USP43: variants seen among roughly 807,000 people sequenced by gnomAD.
USP43 encodes ubiquitin carboxyl-terminal hydrolase 43.
Under a neutral mutation model 90.7 loss-of-function variants are expected in USP43, and 33 were observed. The ratio of observed to expected loss-of-function variants is 0.36; its 90% CI spans 0.28 to 0.49. USP43 has a LOEUF of 0.49. USP43 is among the 20% of genes least tolerant of loss of function. The pLI is 0.98. For missense variants in USP43, 1,274 were observed against 1,476.4 expected (o/e 0.86, Z 2.25); for synonymous variants, 598 against 615.8 (o/e 0.97, Z 0.43).
At chr17:9,683,668 C>T (rs950817744) in intron 7 of USP43, among the ~76,000 whole-genome samples, 1 of 152,024 alleles carries the variant, frequency 6.6e-6, no homozygotes, top group African/African-American at 2.4e-5. Flanking sequence ...GATTTAATTG[C>T]ATATTCTTCT....
intron 6 of USP43, among the ~76,000 whole-genome samples, chr17:9,681,442 A>C (rs1366590455): frequency 1.8e-5 from 2 of 109,128 alleles, no homozygotes; most frequent in Non-Finnish European, 1.8e-5. Flanking sequence ...TTATATATAG[A>C]TAAATATATA....
Position 9,680,511 on chromosome 17 carries a change from G to C in USP43, c.1105+145G>C. On this transcript the variant is annotated intron_variant, in intron 6 of 14. Coordinates refer to ENST00000285199, the MANE Select transcript of USP43 (RefSeq NM_153210.5). ...TTATCCCTGGCATTCGTTGTGTGCA[G>C]ATGGTTGATATTAAAAATTATTCAC... 5 of 934,502 alleles carry C rather than the reference G, an allele frequency of 5.4e-6. No individual in the cohort carries two copies. In the South Asian group the frequency reaches 9.5e-5, roughly 18 times the overall value. The allele number at this position is 934,502 out of a possible 1,614,324, so 57.9% of individuals were successfully genotyped here.
chr17:9,727,085 G>T (rs910691023), intron 14 of USP43, among the ~76,000 whole-genome samples: 1 of 151,918 alleles, frequency 6.6e-6, no homozygotes, highest in African/African-American at 2.4e-5. Context: ...TGATTCTCCT[G>T]CCTCAGCCTC....
At chr17:9,646,696 G>A (rs1911427873) in intron 1 of USP43, among the ~76,000 whole-genome samples, 2 of 152,282 alleles carry the variant, frequency 1.3e-5, no homozygotes, top group East Asian at 3.9e-4. Context: ...AGGCAGATGA[G>A]TTTCGCCAGA....
chr17:9,691,010 G>A (rs1025485814), intron 8 of USP43, among the ~76,000 whole-genome samples: 2 of 151,888 alleles, frequency 1.3e-5, no homozygotes, highest in Admixed American at 1.3e-4. Context: ...TATATAACTA[G>A]AATAATATAA....
intron 8 of USP43, among the ~76,000 whole-genome samples, chr17:9,690,091 C>T (rs1163541490): frequency 1.3e-5 from 2 of 152,130 alleles, no homozygotes; most frequent in Non-Finnish European, 1.5e-5. Flanking sequence ...TCCAGTTTAC[C>T]CACCAGCCTT....
chr17:9,672,321 A>G (rs1913490795), intron 3 of USP43, among the ~76,000 whole-genome samples: 1 of 152,074 alleles, frequency 6.6e-6, no homozygotes, highest in Admixed American at 6.6e-5. Flanking sequence ...TCAATATAAA[A>G]TTTGCCCATT....
intron 2 of USP43, among the ~76,000 whole-genome samples, chr17:9,659,461 G>A (rs1024596125): frequency 7.2e-5 from 11 of 152,164 alleles, no homozygotes; most frequent in African/African-American, 2.7e-4. Flanking sequence ...CAAAGCCAGT[G>A]TGCTGGGTTC....
chr17:9,726,520 G>T (rs1184960032), intron 14 of USP43, among the ~76,000 whole-genome samples: 2 of 152,112 alleles, frequency 1.3e-5, no homozygotes, highest in Non-Finnish European at 2.9e-5. Context: ...GGTTCTTCCC[G>T]GCTGCAGACA....
chr17:9,650,591 C>T (rs145018263), intron 1 of USP43, among the ~76,000 whole-genome samples: 4,460 of 152,130 alleles, frequency 0.029, 215 homozygotes, highest in African/African-American at 0.1. Context: ...TTAGTAGACA[C>T]GGGGTTTCGC....
chr17:9,668,667 G>A (rs1913199299), intron 3 of USP43, among the ~76,000 whole-genome samples: 1 of 152,130 alleles, frequency 6.6e-6, no homozygotes, highest in African/African-American at 2.4e-5. Flanking sequence ...AGGGTAAAGA[G>A]GATCTCACCT....
At chr17:9,668,898 C>T (rs1913212405) in intron 3 of USP43, among the ~76,000 whole-genome samples, 1 of 152,084 alleles carries the variant, frequency 6.6e-6, no homozygotes, top group Admixed American at 6.6e-5. Flanking sequence ...TGCAATGGCA[C>T]GATCTTGGTT....
rs11867771 is a variant in USP43 at position 9,727,626 on chromosome 17, T to C, written c.2336-328T>C. Among the ~76,000 whole-genome samples, 213 of 152,318 alleles carry C rather than the reference T, an allele frequency of 1.4e-3. 1 individual carries two copies. Among genetic ancestry groups the C allele is most frequent in the African/African-American group, 4.7e-3 (196 of 41,574 alleles). On this transcript the variant is annotated intron_variant, in intron 14 of 14. Coordinates refer to ENST00000285199, the MANE Select transcript of USP43 (RefSeq NM_153210.5). The stretch of plus-strand genomic sequence containing the variant: ...CTGGGCATTCCGTTTCATAGGAATA[T>C]TTAAAGATAGATGAAACTGATGTTC...
chr17:9,728,569 G>T lies in USP43; in HGVS notation c.2951G>T (p.Gly984Val), dbSNP rs780110005. The T allele has an allele frequency of 6.2e-7, 1 of 1,614,024 alleles. No individual in the cohort carries two copies. Among genetic ancestry groups the T allele is most frequent in the Non-Finnish European group, 8.5e-7 (1 of 1,179,898 alleles). ...FSGNSKDSRR[G>V]TSELDRPLQG... ...GGAAACAGCAAAGACAGTCGCCGAG[G>T]CACCTCTGAGCTAGACAGACCCCTG... is the stretch of plus-strand genomic sequence containing the variant. Residue 984 changes from glycine to valine, a missense_variant, in exon 15 of 15, where the codon GGC becomes GTC. By Grantham distance (109) the Gly-to-Val change is moderately radical. Around this residue, in one of 6 missense-constraint regions of USP43, gnomAD observed 353 missense variants for 329.7 expected, o/e 1.07. Transcript: ENST00000285199. This position sits in a 1 kb window ranked among gnomAD's most constrained non-coding sequence, Gnocchi z 6.2.
At chr17:9,647,912 T>C (rs2151959174) in intron 1 of USP43, among the ~76,000 whole-genome samples, 1 of 150,312 alleles carries the variant, frequency 6.7e-6, no homozygotes, top group East Asian at 2.0e-4. Flanking sequence ...TCCCAGCTAC[T>C]GGGGAGGCTG....
intron 1 of USP43, among the ~76,000 whole-genome samples, chr17:9,652,031 A>T (rs1048579074): frequency 6.6e-6 from 1 of 152,122 alleles, no homozygotes; most frequent in African/African-American, 2.4e-5. Flanking sequence ...AAAAATTATC[A>T]ATGTTTGGGA....
rs539379311 is a variant in USP43 at position 9,716,951 on chromosome 17, C to T, written c.2335+4819C>T. 2.6e-4 allele frequency among the ~76,000 whole-genome samples: 39 copies of T among 152,204 alleles called. No homozygotes were observed. In the South Asian group the frequency reaches 7.9e-3, roughly 31 times the overall value. ...AGGAGTTTGAGACCAGCCTGACCAA[C>T]ATGGTGAAACCCCGTCTCTACTAAA... is the stretch of plus-strand genomic sequence containing the variant. On this transcript the variant is annotated intron_variant, in intron 14 of 14. Coordinates refer to ENST00000285199, the MANE Select transcript of USP43 (RefSeq NM_153210.5).
intron 7 of USP43, among the ~76,000 whole-genome samples, chr17:9,684,461 T>C (rs1914476726): frequency 6.6e-6 from 1 of 151,900 alleles, no homozygotes; most frequent in Non-Finnish European, 1.5e-5. Flanking sequence ...AATACAAGCA[T>C]AGGTTAAAAT....
chr17:9,662,435 C>T (rs1476711871), intron 2 of USP43, among the ~76,000 whole-genome samples: 1 of 152,216 alleles, frequency 6.6e-6, no homozygotes, highest in Non-Finnish European at 1.5e-5. Context: ...GACTTTACCT[C>T]TCTGTGAATG....
Sources: allele counts gnomAD v4.1 joint callset (sites outside exome capture counted in the v4.1 genomes callset), GRCh38; gene constraint gnomAD v4.1.1; regional missense constraint gnomAD v4.1.1; non-coding constraint Gnocchi (gnomAD v3.1); transcripts MANE v1.5; gene names NCBI Gene and HGNC (gene_info 2026-07-23, HGNC 2026-07-21).